The following ENOX1 variants were observed in gnomAD, a reference collection of about 807,000 sequenced individuals.
The protein encoded by ENOX1 is ecto-NOX disulfide-thiol exchanger 1.
ENOX1 carries 42 observed loss-of-function variants against 82.5 expected under a neutral mutation model. That is an observed-to-expected ratio of 0.51 (90% CI 0.40 to 0.66). ENOX1 has a LOEUF of 0.66. Among genes scored for constraint, ENOX1 ranks in the 30% least tolerant of loss-of-function variants. The pLI, the probability that ENOX1 is intolerant of heterozygous loss-of-function variation, is 0.00. For missense variants in ENOX1, 608 were observed against 811.6 expected (o/e 0.75, Z 3.05); for synonymous variants, 271 against 282.2 (o/e 0.96, Z 0.40).
In ENOX1 at chr13:43,326,418, C is replaced by A. The variant is rs749153732; in HGVS notation, c.1143+1G>T. ...TAAAAAGTAATAATAAAATCACCAACCTCAGAATGCTTTCGCCAAATGTCT... is the reference window on the plus strand; with the variant it reads ...TAAAAAGTAATAATAAAATCACCAAACTCAGAATGCTTTCGCCAAATGTCT... On this transcript the variant is annotated splice_donor_variant, in intron 10 of 16. Transcript: ENST00000690772. LOFTEE classifies it high-confidence loss of function. The A allele has an allele frequency of 6.2e-7, 1 of 1,613,488 alleles. No individual in the cohort carries two copies. Among genetic ancestry groups the A allele is most frequent in the Non-Finnish European group, 8.5e-7 (1 of 1,179,414 alleles).
intron 14 of ENOX1, among the ~76,000 whole-genome samples, chr13:43,255,028 T>C (rs932172030): frequency 1.3e-5 from 2 of 152,046 alleles, no homozygotes; most frequent in South Asian, 2.1e-4. Flanking sequence ...ATGATAAACA[T>C]AGATGCAAAA....
chr13:43,587,072 G>A (rs200691380), intron 2 of ENOX1, among the ~76,000 whole-genome samples: 12 of 133,152 alleles, frequency 9.0e-5, no homozygotes, highest in African/African-American at 1.7e-4. Context: ...GACTATCTCA[G>A]AAAAAAAAAA....
chr13:43,361,517 A>G (rs972341649), intron 5 of ENOX1, 65 bp from the exon 6 acceptor site: 1 of 1,474,908 alleles, frequency 6.8e-7, no homozygotes, highest in Non-Finnish European at 9.2e-7. Context: ...TGTTTTTGCC[A>G]TTTTCCTGTG....
At chr13:43,692,132 G>A (rs2086399572) in intron 1 of ENOX1, among the ~76,000 whole-genome samples, 1 of 152,146 alleles carries the variant, frequency 6.6e-6, no homozygotes, top group African/African-American at 2.4e-5. Flanking sequence ...GAACAGAATG[G>A]AGGAAAGAGA....
chr13:43,715,877 G>C (rs137947821), intron 1 of ENOX1, among the ~76,000 whole-genome samples: 1 of 150,592 alleles, frequency 6.6e-6, no homozygotes, highest in South Asian at 2.1e-4. Flanking sequence ...CATTCTTCAC[G>C]TAGTTCTCGA....
At chr13:43,680,243 G>T (rs1328058678) in intron 1 of ENOX1, among the ~76,000 whole-genome samples, 1 of 152,124 alleles carries the variant, frequency 6.6e-6, no homozygotes, top group Non-Finnish European at 1.5e-5. Context: ...TAAATTAAAA[G>T]AAGTTTCATA....
At chr13:43,632,521 C>G (rs891602370) in intron 2 of ENOX1, among the ~76,000 whole-genome samples, 4 of 151,862 alleles carry the variant, frequency 2.6e-5, no homozygotes, top group Admixed American at 2.0e-4. Flanking sequence ...TCTCAGCTCA[C>G]TGCAACCTCT....
At chr13:43,368,705 G>A (rs4942222) in intron 5 of ENOX1, among the ~76,000 whole-genome samples, 58,688 of 152,028 alleles carry the variant, frequency 0.39, 13,294 homozygotes, top group Middle Eastern at 0.52. Flanking sequence ...AACCATGCTG[G>A]CATATGACAA....
At chr13:43,563,752 G>T (rs1406381577) in intron 2 of ENOX1, among the ~76,000 whole-genome samples, 2 of 152,022 alleles carry the variant, frequency 1.3e-5, no homozygotes, top group Non-Finnish European at 2.9e-5. Context: ...AAACTTAAAA[G>T]AAATGGATAA....
At position 43,659,015 on chromosome 13, in the gene ENOX1, A is replaced by G. The variant is rs554321843; in HGVS notation, c.-219+8464T>C. ...AATCTGGTGTACTATTTTTGGATGT[A>G]AGAACCAATCCTCTAAGCTTCTTAT... is the stretch of plus-strand genomic sequence containing the variant. On this transcript the variant is annotated intron_variant, in intron 2 of 16. Coordinates refer to ENST00000690772, the MANE Select transcript of ENOX1 (RefSeq NM_001347969.2). 9.3e-4 allele frequency among the ~76,000 whole-genome samples: 141 copies of G among 151,454 alleles called. 1 individual carries two copies. Among genetic ancestry groups the G allele is most frequent in the African/African-American group, 3.3e-3 (136 of 40,796 alleles).
chr13:43,216,354 T>A (rs1483371144), intron 16 of ENOX1, among the ~76,000 whole-genome samples: 1 of 152,244 alleles, frequency 6.6e-6, no homozygotes, highest in Non-Finnish European at 1.5e-5. Context: ...AAGGATTATA[T>A]GTAAAATGTA....
chr13:43,353,214 T>G (rs4942220), intron 8 of ENOX1, among the ~76,000 whole-genome samples: 147,907 of 152,288 alleles, frequency 0.97, 71,947 homozygotes, highest in East Asian at 1. Flanking sequence ...AGAGAGAAAA[T>G]AATTATTTTT....
intron 2 of ENOX1, among the ~76,000 whole-genome samples, chr13:43,543,747 TTAAA>T (rs754544470): frequency 8.8e-5 from 13 of 147,176 alleles, no homozygotes; most frequent in Non-Finnish European, 1.6e-4. Context: ...TGATTTCCTG[TTAAA>T]TAGTTTTCAA....
At chr13:43,492,657 T>C (rs1363373002) in intron 2 of ENOX1, among the ~76,000 whole-genome samples, 1 of 152,224 alleles carries the variant, frequency 6.6e-6, no homozygotes, top group African/African-American at 2.4e-5. Flanking sequence ...TTATTTTACC[T>C]TAGCATTTTC....
chr13:43,678,522 C>T (rs1433224827), intron 1 of ENOX1, among the ~76,000 whole-genome samples: 1 of 152,170 alleles, frequency 6.6e-6, no homozygotes, highest in Non-Finnish European at 1.5e-5. Context: ...TGTCAAGTTA[C>T]ACTCCATGTC....
intron 9 of ENOX1, among the ~76,000 whole-genome samples, chr13:43,343,270 A>T (rs1477157366): frequency 6.6e-6 from 1 of 152,126 alleles, no homozygotes; most frequent in Non-Finnish European, 1.5e-5. Flanking sequence ...TGCTGTAAAT[A>T]TTGCTTTTTA....
chr13:43,403,235 A>T (rs1034142270), intron 5 of ENOX1, among the ~76,000 whole-genome samples: 4 of 152,118 alleles, frequency 2.6e-5, no homozygotes, highest in Non-Finnish European at 5.9e-5. Context: ...ATAAAATTTA[A>T]ATATATATGT....
intron 1 of ENOX1, among the ~76,000 whole-genome samples, chr13:43,693,872 C>T (rs964597534): frequency 1.3e-5 from 2 of 152,014 alleles, no homozygotes; most frequent in African/African-American, 4.8e-5. Context: ...CATTTTATTA[C>T]CCAATATTAT....
At chr13:43,642,649 G>A (rs2083705004) in intron 2 of ENOX1, among the ~76,000 whole-genome samples, 1 of 152,280 alleles carries the variant, frequency 6.6e-6, no homozygotes, top group Admixed American at 6.5e-5. Context: ...AATGTTCAAG[G>A]AGAGGAAAGT....
Sources: allele counts gnomAD v4.1 joint callset (sites outside exome capture counted in the v4.1 genomes callset), GRCh38; gene constraint gnomAD v4.1.1; transcripts MANE v1.5; gene names NCBI Gene and HGNC (gene_info 2026-07-23, HGNC 2026-07-21).